The following SGMS2 variants were observed in gnomAD, a reference collection of about 807,000 sequenced individuals.
SGMS2 encodes phosphatidylcholine:ceramide cholinephosphotransferase 2.
SGMS2 carries 21 observed loss-of-function variants against 43.8 expected under a neutral mutation model. The observed-to-expected ratio is 0.48, with a 90% CI of 0.34 to 0.69. SGMS2 has a LOEUF of 0.69. Among genes scored for constraint, SGMS2 ranks in the 30% least tolerant of loss-of-function variants. SGMS2 has a pLI of 0.01. For synonymous variants in SGMS2, 167 were observed against 160.6 expected (o/e 1.04, Z -0.30); for missense variants, 384 against 443.2 (o/e 0.87, Z 1.20).
chr4:107,825,741 A>G (rs1725553100), intron 1 of SGMS2, among the ~76,000 whole-genome samples: 2 of 147,116 alleles, frequency 1.4e-5, no homozygotes, highest in Admixed American at 1.4e-4. Flanking sequence ...TGCTCCCTTT[A>G]CGGAAGGGAA....
intron 2 of SGMS2, among the ~76,000 whole-genome samples, chr4:107,884,502 G>T (rs974213927): frequency 6.9e-4 from 10 of 14,472 alleles, no homozygotes; most frequent in Non-Finnish European, 9.8e-4. Context: ...TTAAACAAAG[G>T]GGGGGGAAAT....
chr4:107,872,277 C>T (rs143955691), intron 2 of SGMS2, among the ~76,000 whole-genome samples: 1 of 151,994 alleles, frequency 6.6e-6, no homozygotes, highest in South Asian at 2.1e-4. Flanking sequence ...TCTCATAACA[C>T]TCAAATTGAG....
Position 107,881,352 on chromosome 4 carries a change from G to A in SGMS2, c.-244-13958G>A, listed in dbSNP as rs554436601. Among the ~76,000 whole-genome samples the A allele has an allele frequency of 9.2e-5, 14 of 152,248 alleles. No homozygotes were observed. In the South Asian group the frequency reaches 2.9e-3, roughly 32 times the overall value. On this transcript the variant is annotated intron_variant, in intron 2 of 6. Transcript: ENST00000690982. ...ATATGGAATGGTACTAGAGGCAGTGGTATACCATTTAGGCACAGAGGCTCC... is the reference window on the plus strand; with the variant it reads ...ATATGGAATGGTACTAGAGGCAGTGATATACCATTTAGGCACAGAGGCTCC...
At chr4:107,860,125 T>C (rs967344877) in intron 2 of SGMS2, among the ~76,000 whole-genome samples, 1 of 152,088 alleles carries the variant, frequency 6.6e-6, no homozygotes, top group Non-Finnish European at 1.5e-5. Context: ...TCTTTATGCA[T>C]AAATAAGCAA....
At chr4:107,863,613 CAG>C (rs1727900497) in intron 2 of SGMS2, 1 of 152,190 alleles carries the variant, frequency 6.6e-6, no homozygotes, top group African/African-American at 2.4e-5. Context: ...AAAATGACCT[CAG>C]GGTTATGCAG....
chr4:107,905,736 C>A (rs889109120), intron 5 of SGMS2, among the ~76,000 whole-genome samples: 2 of 152,166 alleles, frequency 1.3e-5, no homozygotes, highest in African/African-American at 4.8e-5. Flanking sequence ...CTAACTCTAT[C>A]GTATTGCCAA....
intron 2 of SGMS2, among the ~76,000 whole-genome samples, chr4:107,884,654 G>A (rs1232298154): frequency 6.6e-6 from 1 of 152,160 alleles, no homozygotes; most frequent in African/African-American, 2.4e-5. Context: ...CGCCTCTGGA[G>A]AGGCTAATCA....
intron 2 of SGMS2, chr4:107,867,498 A>G (rs1041530605): frequency 6.6e-6 from 1 of 152,138 alleles, no homozygotes; most frequent in Non-Finnish European, 1.5e-5. Flanking sequence ...GTAAGAATTC[A>G]CCCTGAAGCT....
At chr4:107,833,679 A>G (rs1726016539) in intron 1 of SGMS2, among the ~76,000 whole-genome samples, 1 of 152,194 alleles carries the variant, frequency 6.6e-6, no homozygotes, top group Admixed American at 6.5e-5. Context: ...GGTCCCAAGC[A>G]TTTCAGATAA....
At chr4:107,892,205 C>T (rs1730280501) in intron 2 of SGMS2, among the ~76,000 whole-genome samples, 1 of 143,470 alleles carries the variant, frequency 7.0e-6, no homozygotes, top group Non-Finnish European at 1.5e-5. Flanking sequence ...AAAAACTTGC[C>T]TGCCTTGTGT....
intron 2 of SGMS2, among the ~76,000 whole-genome samples, chr4:107,892,397 G>A (rs1428605002): frequency 6.6e-6 from 1 of 150,926 alleles, no homozygotes; most frequent in South Asian, 2.1e-4. Flanking sequence ...ACCAAGCACT[G>A]ATAGGAGATT....
Position 107,825,767 on chromosome 4 carries a change from C to A in SGMS2, c.-327+514C>A, listed in dbSNP as rs1725554600. ...CGGAAGGGAAGACTTGGTTTCTCAG[C>A]GAAAATAAGGGGCGGGGAACCCCTG... On this transcript the variant is annotated intron_variant, in intron 1 of 6. Transcript: ENST00000690982. Among the ~76,000 whole-genome samples, 3 of 151,708 alleles carry A rather than the reference C, an allele frequency of 2.0e-5. No homozygotes were observed. In the South Asian group the frequency reaches 6.2e-4, roughly 32 times the overall value.
At chr4:107,842,765 A>G (rs1726598420) in intron 1 of SGMS2, among the ~76,000 whole-genome samples, 1 of 152,172 alleles carries the variant, frequency 6.6e-6, no homozygotes, top group Admixed American at 6.5e-5. Context: ...CACTAGTGCC[A>G]GATAGATCTT....
chr4:107,892,183 C>T (rs1730279159), intron 2 of SGMS2, among the ~76,000 whole-genome samples: 1 of 130,580 alleles, frequency 7.7e-6, no homozygotes, highest in Non-Finnish European at 1.5e-5. Context: ...CTTCCATCAT[C>T]ATGGAAGCAG....
At chr4:107,878,588 A>G (rs1729103831) in intron 2 of SGMS2, among the ~76,000 whole-genome samples, 1 of 151,948 alleles carries the variant, frequency 6.6e-6, no homozygotes, top group Non-Finnish European at 1.5e-5. Context: ...CTACCTACCT[A>G]TTTATCTATT....
At chr4:107,909,744 A>G (rs1482119636) in intron 6 of SGMS2, among the ~76,000 whole-genome samples, 3 of 152,172 alleles carry the variant, frequency 2.0e-5, no homozygotes, top group Non-Finnish European at 2.9e-5. Context: ...TGACTTACTT[A>G]TCTTTGAATA....
rs948633721 is a variant in SGMS2 at position 107,913,605 on chromosome 4, G to A, written c.*3052G>A. 2.6e-5 allele frequency: 4 copies of A among 152,142 alleles called. No homozygotes were observed. Among genetic ancestry groups the A allele is most frequent in the Non-Finnish European group, 1.5e-5 (1 of 68,020 alleles). 9.4% of individuals were successfully genotyped at this position (152,142 alleles called of 1,614,324 possible). A position where few individuals can be genotyped will look rare whatever the true frequency, so the allele number is the denominator to read the frequency against. On this transcript the variant is annotated 3_prime_UTR_variant, in exon 7 of 7. Coordinates refer to ENST00000690982, the MANE Select transcript of SGMS2 (RefSeq NM_001375905.1). Reference sequence around the variant, plus strand: ...TTTGCCAATAATCTGAAAGTATCATGTGAAAGGAATTATTTTAAAAGCATT... The same window carrying A: ...TTTGCCAATAATCTGAAAGTATCATATGAAAGGAATTATTTTAAAAGCATT...
intron 3 of SGMS2, among the ~76,000 whole-genome samples, chr4:107,899,271 T>C (rs1730924171): frequency 6.6e-6 from 1 of 152,216 alleles, no homozygotes; most frequent in African/African-American, 2.4e-5. Context: ...GAGGTGACTA[T>C]GTAGACTCTT....
chr4:107,899,865 A>G (rs1357824000), intron 4 of SGMS2, among the ~76,000 whole-genome samples, 173 bp downstream of exon 4: 2 of 152,156 alleles, frequency 1.3e-5, no homozygotes, highest in Admixed American at 1.3e-4. Context: ...TATAAAATAT[A>G]TACCTTTTGT....
Sources: gnomAD v4.1 joint callset for allele counts (sites outside exome capture counted in the v4.1 genomes callset) on GRCh38, gnomAD v4.1.1 for gene constraint, MANE v1.5 for transcripts, NCBI Gene and HGNC (gene_info 2026-07-23, HGNC 2026-07-21) for gene names.